JCAD: variants seen among roughly 807,000 people sequenced by gnomAD.
JCAD encodes junctional cadherin 5 associated, also known as junctional cadherin 5-associated protein.
A neutral mutation model predicts 98.0 loss-of-function variants in JCAD; 40 were observed. The observed-to-expected ratio is 0.41, with a 90% CI of 0.32 to 0.53. JCAD has a LOEUF of 0.53. Ranked by LOEUF, JCAD falls within the 20% of genes least tolerant of loss-of-function variation. The pLI, the probability that JCAD is intolerant of heterozygous loss-of-function variation, is 0.31. For missense variants in JCAD, 1,705 were observed against 1,738.1 expected, an observed-to-expected ratio of 0.98 and a Z score of 0.34; for synonymous variants, 691 against 682.3, an observed-to-expected ratio of 1.01 and a Z score of -0.20.
chr10:30,053,523 C>T (rs544405519), intron 1 of JCAD, among the ~76,000 whole-genome samples: 2 of 147,816 alleles, frequency 1.4e-5, no homozygotes, highest in South Asian at 4.3e-4. Flanking sequence ...TGTGCCACTA[C>T]ACTCCAGCCT....
At chr10:30,076,601 C>T (rs1034339800) in intron 1 of JCAD, among the ~76,000 whole-genome samples, 5 of 149,994 alleles carry the variant, frequency 3.3e-5, no homozygotes, top group South Asian at 2.1e-4. Flanking sequence ...CAGAAAGGGG[C>T]GGTGTCCCAG....
Position 30,026,212 on chromosome 10 carries a change from C to A in JCAD, c.3936G>T (p.Gln1312His), listed in dbSNP as rs1414112663. 1 of 1,614,134 alleles carries A rather than the reference C, an allele frequency of 6.2e-7. No homozygotes were observed. The highest frequency in any genetic ancestry group is 1.7e-5 in the Admixed American group (1 of 60,030). The part of the protein sequence containing the change: ...LVSPGSGDRA[Q>H]RLGHSLSVSK... ...ACACAGAGAGTGAGTGGCCCAATCT[C>A]TGGGCACGGTCCCCACTGCCAGGAG... Residue 1312 changes from glutamine to histidine, a missense_variant, in exon 3 of 4, where the codon CAG becomes CAT. By Grantham distance (24) the Gln-to-His change is conservative. This residue lies in a region of JCAD where 1,278 missense variants were observed against 1,243.1 expected (regional missense o/e 1.03). Transcript: ENST00000375377.
In JCAD at chr10:30,027,290, C is replaced by A; in HGVS notation, c.2858G>T (p.Ser953Ile). The change falls in exon 3 of 4, where the codon AGT (serine) becomes ATT (isoleucine). Residue 953 changes from serine (S) to isoleucine (I), a missense_variant. Ser to Ile is a moderately radical substitution (Grantham distance 142, BLOSUM62 -2). Transcript: ENST00000375377. ...AACCTCCAGGTGTCTCTTCTCTGCA[C>A]TCGTGCTTCCATCTGCTGAGCAGAA... Reference protein sequence around the residue: ...APFCSADGSTSAEKRHLEVSN... With the variant: ...APFCSADGSTIAEKRHLEVSN... 6.2e-7 allele frequency: 1 copy of A among 1,614,200 alleles called. No individual in the cohort carries two copies. The highest frequency in any genetic ancestry group is 8.5e-7 in the Non-Finnish European group (1 of 1,180,054).
In JCAD at chr10:30,027,282, T is replaced by G; in HGVS notation, c.2866A>C (p.Lys956Gln). The change falls in exon 3 of 4, where the codon AAG becomes CAG. Residue 956 changes from lysine to glutamine, a missense_variant. Around this residue, in one of 3 missense-constraint regions of JCAD, gnomAD observed 1,278 missense variants for 1,243.1 expected, o/e 1.03. Coordinates refer to ENST00000375377, the MANE Select transcript of JCAD (RefSeq NM_020848.4). Reference protein sequence around the residue: ...CSADGSTSAEKRHLEVSNGMD... With the variant: ...CSADGSTSAEQRHLEVSNGMD... The stretch of plus-strand genomic sequence containing the variant: ...CCGTTGCTAACCTCCAGGTGTCTCT[T>G]CTCTGCACTCGTGCTTCCATCTGCT... 6.2e-7 allele frequency: 1 copy of G among 1,614,160 alleles called. No homozygotes were observed. The highest frequency in any genetic ancestry group is 8.5e-7 in the Non-Finnish European group (1 of 1,180,032).
chr10:30,028,476 G>A lies in JCAD; in HGVS notation c.1672C>T (p.Leu558Phe), dbSNP rs200968605. The A allele has an allele frequency of 9.4e-5, 152 of 1,614,184 alleles. No individual in the cohort carries two copies. In the African/African-American group the frequency reaches 1.9e-3, roughly 20 times the overall value. Reference protein sequence around the residue: ...GESTCETQTKLKKFQTGTRTK... With the variant: ...GESTCETQTKFKKFQTGTRTK... ...CGAGTCCCAGTTTGGAACTTTTTGA[G>A]CTTGGTTTGAGTTTCGCAGGTGCTC... The change falls in exon 3 of 4, where the codon CTC becomes TTC. Residue 558 changes from leucine to phenylalanine, a missense_variant. This residue lies in a region of JCAD where 1,278 missense variants were observed against 1,243.1 expected (regional missense o/e 1.03). Transcript: ENST00000375377.
Position 30,028,945 on chromosome 10 carries a change from G to A in JCAD, c.1203C>T (p.Pro401=). 1 of 1,614,116 alleles carries A rather than the reference G, an allele frequency of 6.2e-7. No individual in the cohort carries two copies. The highest frequency in any genetic ancestry group is 2.2e-5 in the East Asian group (1 of 44,870). Reference sequence around the variant, plus strand: ...GTGCGGGGAGCCCCTGAGGCAAGCGGGGGCTCACACCATACTCATTCCCAG... The same window carrying A: ...GTGCGGGGAGCCCCTGAGGCAAGCGAGGGCTCACACCATACTCATTCCCAG... ...PGTGNEYGVS[P]RLPQGLPAHP... is the part of the protein sequence containing the mutation. Residue 401 remains proline (P), a synonymous_variant, in exon 3 of 4, where the codon CCC becomes CCT. Coordinates refer to ENST00000375377, the MANE Select transcript of JCAD (RefSeq NM_020848.4).
intron 1 of JCAD, among the ~76,000 whole-genome samples, chr10:30,074,083 G>A (rs1837940412): frequency 6.6e-6 from 1 of 152,118 alleles, no homozygotes; most frequent in Admixed American, 6.5e-5. Flanking sequence ...TAGAAGAGTA[G>A]TCTTGGTGTT....
intron 1 of JCAD, among the ~76,000 whole-genome samples, chr10:30,049,074 G>C (rs73598342): frequency 1.3e-5 from 2 of 152,210 alleles, no homozygotes; most frequent in South Asian, 2.1e-4. Flanking sequence ...GAGCAAAAGA[G>C]GGAGAGCCGC....
upstream of JCAD, among the ~76,000 whole-genome samples, chr10:30,064,265 C>T (rs1837748620): frequency 6.6e-6 from 1 of 152,076 alleles, no homozygotes; most frequent in South Asian, 2.1e-4. Flanking sequence ...CATGAGCTAG[C>T]ATGTGAGCAT....
At chr10:30,035,837 G>A (rs1837097196) in intron 2 of JCAD, among the ~76,000 whole-genome samples, 1 of 152,202 alleles carries the variant, frequency 6.6e-6, no homozygotes, top group Admixed American at 6.5e-5. Flanking sequence ...AATGGGACAA[G>A]CAGGGTCTTT....
chr10:30,027,267 C>A lies in JCAD; in HGVS notation c.2881G>T (p.Val961Phe). The A allele has an allele frequency of 3.1e-6, 5 of 1,614,202 alleles. No homozygotes were observed. The highest frequency in any genetic ancestry group is 2.5e-6 in the Non-Finnish European group (3 of 1,180,040). Residue 961 changes from valine to phenylalanine, a missense_variant, in exon 3 of 4, where the codon GTT becomes TTT. Transcript: ENST00000375377. Reference sequence around the variant, plus strand: ...GCCAGCTCGTCCATTCCGTTGCTAACCTCCAGGTGTCTCTTCTCTGCACTC... The same window carrying A: ...GCCAGCTCGTCCATTCCGTTGCTAAACTCCAGGTGTCTCTTCTCTGCACTC... The part of the protein sequence containing the change: ...STSAEKRHLE[V>F]SNGMDELAGS...
chr10:30,033,366 G>A (rs1020718663), intron 2 of JCAD, among the ~76,000 whole-genome samples: 1 of 152,168 alleles, frequency 6.6e-6, no homozygotes, highest in Non-Finnish European at 1.5e-5. Context: ...TCACAAACAC[G>A]TGATGTAGGT....
At chr10:30,050,107 G>C (rs1411510422) in intron 1 of JCAD, among the ~76,000 whole-genome samples, 1 of 151,936 alleles carries the variant, frequency 6.6e-6, no homozygotes, top group Non-Finnish European at 1.5e-5. Flanking sequence ...TTGGGGCCAG[G>C]AGTTTGAGAC....
intron 2 of JCAD, among the ~76,000 whole-genome samples, chr10:30,066,863 A>G (rs192496967): frequency 3.3e-5 from 5 of 152,176 alleles, no homozygotes; most frequent in Non-Finnish European, 7.4e-5. Context: ...TCTACTAAAA[A>G]ATATGTGCTT....
At chr10:30,064,391 A>C (rs1262653516), upstream of JCAD, among the ~76,000 whole-genome samples, 2 of 152,124 alleles carry the variant, frequency 1.3e-5, no homozygotes, top group African/African-American at 4.8e-5. Context: ...TCTCAGCTAC[A>C]AGAAATAAAT....
At chr10:30,103,568 A>C (rs1015509977) in intron 1 of JCAD, among the ~76,000 whole-genome samples, 5 of 151,930 alleles carry the variant, frequency 3.3e-5, no homozygotes, top group African/African-American at 1.2e-4. Context: ...ATACCTGTTC[A>C]AATATTAAAG....
intron 3 of JCAD, 33 bp downstream of exon 3, chr10:30,026,070 A>G: frequency 6.2e-7 from 1 of 1,613,482 alleles, no homozygotes; most frequent in South Asian, 1.1e-5. Context: ...CCAAATGTAT[A>G]CTGAGCACCT....
At chr10:30,080,151 T>A (rs1264231014) in intron 1 of JCAD, among the ~76,000 whole-genome samples, 2 of 152,110 alleles carry the variant, frequency 1.3e-5, no homozygotes, top group African/African-American at 4.8e-5. Flanking sequence ...AAAAAAAAAA[T>A]TAAAAGTTCC....
At chr10:30,039,363 C>T (rs1444517356) in intron 2 of JCAD, among the ~76,000 whole-genome samples, 1 of 152,236 alleles carries the variant, frequency 6.6e-6, no homozygotes, top group African/African-American at 2.4e-5. Flanking sequence ...ACACTGTTCC[C>T]TCCCACAACG....
Sources: allele counts gnomAD v4.1 joint callset (sites outside exome capture counted in the v4.1 genomes callset), GRCh38; gene constraint gnomAD v4.1.1; regional missense constraint gnomAD v4.1.1; transcripts MANE v1.5; gene names NCBI Gene and HGNC (gene_info 2026-07-23, HGNC 2026-07-21).